EYS: variants seen among roughly 807,000 people sequenced by gnomAD.
EYS encodes protein eyes shut homolog.
EYS carries 250 observed loss-of-function variants against 282.1 expected under a neutral mutation model. The ratio of observed to expected loss-of-function variants is 0.89; its 90% CI spans 0.80 to 0.98. The LOEUF is 0.98. Among genes scored for constraint, EYS ranks in the 50% least tolerant of loss-of-function variants. The pLI is 0.00. For missense variants in EYS, 4,016 were observed against 3,709.0 expected (o/e 1.08, Z -2.15); for synonymous variants, 1,355 against 1,282.9 (o/e 1.06, Z -1.20).
intron 29 of EYS, among the ~76,000 whole-genome samples, chr6:64,344,504 A>G (rs918588369): frequency 6.6e-6 from 1 of 152,136 alleles, no homozygotes; most frequent in Non-Finnish European, 1.5e-5. Context: ...ACAAAATTCA[A>G]CAACTCTTCA....
At chr6:65,353,314 T>C (rs1408090928) in intron 9 of EYS, 144 bp downstream of exon 9, 1 of 693,772 alleles carries the variant, frequency 1.4e-6, no homozygotes, top group Non-Finnish European at 2.4e-6. Context: ...AGGAATACAT[T>C]AGAAAATAAG....
chr6:64,267,248 G>A (rs539043094), intron 30 of EYS, among the ~76,000 whole-genome samples: 3 of 152,032 alleles, frequency 2.0e-5, no homozygotes, highest in African/African-American at 2.4e-5. Context: ...TGAGAGGCTC[G>A]AATGGGACTG....
intron 31 of EYS, among the ~76,000 whole-genome samples, chr6:64,219,450 T>C (rs2150332265): frequency 6.6e-6 from 1 of 152,360 alleles, no homozygotes; most frequent in South Asian, 2.1e-4. Context: ...AATAACTGAA[T>C]GCATTACTAT....
chr6:64,523,890 T>C (rs1429369341), intron 26 of EYS, among the ~76,000 whole-genome samples: 1 of 151,758 alleles, frequency 6.6e-6, no homozygotes, highest in Non-Finnish European at 1.5e-5. Flanking sequence ...TTAGCCAAAA[T>C]ACTGAAATTG....
At chr6:64,723,480 T>A (rs978353449) in intron 22 of EYS, among the ~76,000 whole-genome samples, 5 of 152,184 alleles carry the variant, frequency 3.3e-5, no homozygotes, top group Admixed American at 3.3e-4. Flanking sequence ...ATCACTGCCA[T>A]CTGTAGTGAT....
At chr6:65,157,480 C>T (rs1764755175) in intron 12 of EYS, among the ~76,000 whole-genome samples, 2 of 150,534 alleles carry the variant, frequency 1.3e-5, no homozygotes, top group African/African-American at 4.8e-5. Context: ...TTAATTATTG[C>T]CTACTCAGTC....
chr6:64,133,427 CT>C (rs1774050274), intron 31 of EYS, among the ~76,000 whole-genome samples: 1 of 150,926 alleles, frequency 6.6e-6, no homozygotes, highest in Non-Finnish European at 1.5e-5. Context: ...TTGGCATTAT[CT>C]GTGGGTTTTC....
At chr6:63,914,294 A>G (rs1176534675) in intron 35 of EYS, among the ~76,000 whole-genome samples, 1 of 152,228 alleles carries the variant, frequency 6.6e-6, no homozygotes, top group African/African-American at 2.4e-5. Context: ...TTAGTGAGGA[A>G]GGCATGTAGA....
intron 42 of EYS, 27 bp from the exon 43 acceptor site, chr6:63,721,824 A>C: frequency 6.6e-7 from 1 of 1,520,244 alleles, no homozygotes. Context: ...AGTAAGTTTG[A>C]TTAGCAACAG....
intron 22 of EYS, among the ~76,000 whole-genome samples, chr6:64,709,279 T>G (rs1182970650): frequency 6.6e-6 from 1 of 152,178 alleles, no homozygotes; most frequent in African/African-American, 2.4e-5. Context: ...AAAGTGATAT[T>G]AGTCATCACA....
chr6:65,221,197 T>A (rs1359621628), intron 12 of EYS, among the ~76,000 whole-genome samples: 1 of 152,142 alleles, frequency 6.6e-6, no homozygotes, highest in Non-Finnish European at 1.5e-5. Context: ...GAAACTCAAG[T>A]TGGTTGCAGA....
intron 12 of EYS, among the ~76,000 whole-genome samples, chr6:65,137,533 A>ACTGGAAAATTTTGACTTCAGTAT (rs1221942486): frequency 1.3e-5 from 2 of 152,054 alleles, no homozygotes; most frequent in African/African-American, 2.4e-5. Flanking sequence ...AGATTTGTAG[A>ACTGGAAAATTTTGACTTCAGTAT]CTGGAAAATT....
At chr6:65,026,629 A>C (rs899988319) in intron 13 of EYS, among the ~76,000 whole-genome samples, 8 of 152,134 alleles carry the variant, frequency 5.3e-5, no homozygotes, top group South Asian at 2.1e-4. Context: ...GTAAAGATTC[A>C]GATATTGGCC....
At chr6:65,014,475 C>T (rs1179537508) in intron 13 of EYS, among the ~76,000 whole-genome samples, 1 of 152,094 alleles carries the variant, frequency 6.6e-6, no homozygotes, top group Non-Finnish European at 1.5e-5. Flanking sequence ...GGAAAGCCTA[C>T]TGAACAGGTG....
chr6:64,363,905 A>C (rs1772107050), intron 29 of EYS, among the ~76,000 whole-genome samples: 1 of 151,908 alleles, frequency 6.6e-6, no homozygotes, highest in Non-Finnish European at 1.5e-5. Flanking sequence ...GTCATACAAC[A>C]AGATTTTCTA....
intron 14 of EYS, among the ~76,000 whole-genome samples, chr6:64,980,687 C>T (rs1389952317): frequency 2.0e-5 from 3 of 151,090 alleles, no homozygotes; most frequent in Non-Finnish European, 4.4e-5. Flanking sequence ...ATAAGAATAT[C>T]AAGGGAAAAA....
chr6:64,577,947 A>G (rs1309933541), intron 26 of EYS, among the ~76,000 whole-genome samples: 2 of 152,104 alleles, frequency 1.3e-5, no homozygotes, highest in Non-Finnish European at 2.9e-5. Flanking sequence ...TTATCAAAAT[A>G]AAAATAATCC....
At chr6:65,527,674 A>G (rs948418390) in intron 2 of EYS, among the ~76,000 whole-genome samples, 1 of 152,220 alleles carries the variant, frequency 6.6e-6, no homozygotes, top group African/African-American at 2.4e-5. Flanking sequence ...GTATAATTGG[A>G]CGCTGTCTTT....
intron 1 of EYS, among the ~76,000 whole-genome samples, chr6:65,668,494 ACT>A (rs1768273646): frequency 1.3e-5 from 2 of 151,792 alleles, no homozygotes; most frequent in Admixed American, 1.3e-4. Context: ...GACTGCTTTC[ACT>A]CTACAATGAC....
Sources: allele counts gnomAD v4.1 joint callset (sites outside exome capture counted in the v4.1 genomes callset), GRCh38; gene constraint gnomAD v4.1.1; transcripts MANE v1.5; gene names NCBI Gene and HGNC (gene_info 2026-07-23, HGNC 2026-07-21).